The following SERPINE2 variants were observed in gnomAD, a reference collection of about 807,000 sequenced individuals.
The protein encoded by SERPINE2 is serpin family E member 2.
In SERPINE2, 14 loss-of-function variants were observed where a neutral mutation model predicts 36.3. The ratio of observed to expected loss-of-function variants is 0.39; its 90% CI spans 0.25 to 0.60. The LOEUF is 0.60. Among genes scored for constraint, SERPINE2 ranks in the 20% least tolerant of loss-of-function variants. The pLI is 0.57. For missense variants in SERPINE2, 418 were observed against 499.6 expected, an observed-to-expected ratio of 0.84 and a Z score of 1.56; for synonymous variants, 192 against 191.8, an observed-to-expected ratio of 1.00 and a Z score of -0.01.
Position 223,980,220 on chromosome 2 carries a change from G to C in SERPINE2, c.1072+91C>G, listed in dbSNP as rs746004617. Reference sequence around the variant, plus strand: ...ACACACACTGCCTGGCTGGAAAGAGGGTGCATTACATATTTGCTCAACCAA... The same window carrying C: ...ACACACACTGCCTGGCTGGAAAGAGCGTGCATTACATATTTGCTCAACCAA... On this transcript the variant is annotated intron_variant, in intron 7 of 8. Transcript: ENST00000409304. The C allele has an allele frequency of 3.6e-5, 38 of 1,044,464 alleles. No homozygotes were observed. The South Asian group carries it at 4.9e-4, about 14-fold the overall frequency. 64.7% of individuals were successfully genotyped at this position (1,044,464 alleles called of 1,614,324 possible).
chr2:224,005,093 ATAT>A (rs1559209252), intron 1 of SERPINE2, among the ~76,000 whole-genome samples: 4 of 125,274 alleles, frequency 3.2e-5, no homozygotes, highest in African/African-American at 1.3e-4. Context: ...ATATATATAT[ATAT>A]AAAACATTGT....
At position 224,022,520 on chromosome 2, in the gene SERPINE2, C is replaced by T. The variant is rs1692040506; in HGVS notation, c.-23+16579G>A. ...CTCAGAAATTATCTATTTCAATCACCTGTCACCAGGGGCTATTCTCTTACA... is the reference window on the plus strand; with the variant it reads ...CTCAGAAATTATCTATTTCAATCACTTGTCACCAGGGGCTATTCTCTTACA... On this transcript the variant is annotated intron_variant, in intron 1 of 8. Coordinates refer to ENST00000409304, the MANE Select transcript of SERPINE2 (RefSeq NM_001136528.2). 2.0e-5 allele frequency among the ~76,000 whole-genome samples: 3 copies of T among 152,156 alleles called. No individual in the cohort carries two copies. In the South Asian group the frequency reaches 6.2e-4, roughly 32 times the overall value.
rs767199589 is a variant in SERPINE2, at chr2:223,991,941, G to A, written c.547C>T (p.Leu183Phe). The change falls in exon 4 of 9, where the codon CTC becomes TTC. Residue 183 changes from leucine (L) to phenylalanine (F), a missense_variant. Coordinates refer to ENST00000409304, the MANE Select transcript of SERPINE2 (RefSeq NM_001136528.2). ...LIDGVLTRLV[L>F]VNAVYFKGLW... ...CCCTTGAAATACACTGCGTTGACGA[G>A]GACCAGTCTGGTGAGCACACCATCA... The A allele has an allele frequency of 1.1e-5, 17 of 1,613,468 alleles. No homozygotes were observed. The highest frequency in any genetic ancestry group is 1.4e-5 in the Non-Finnish European group (17 of 1,179,816).
At chr2:223,995,608 T>A (rs1690852283) in intron 3 of SERPINE2, among the ~76,000 whole-genome samples, 1 of 152,024 alleles carries the variant, frequency 6.6e-6, no homozygotes, top group African/African-American at 2.4e-5. Flanking sequence ...GTGTTTTGGG[T>A]TTTTTGTTTT....
At chr2:224,020,127 C>T (rs535038286) in intron 1 of SERPINE2, among the ~76,000 whole-genome samples, 231 of 152,258 alleles carry the variant, frequency 1.5e-3, no homozygotes, top group African/African-American at 5.4e-3. Context: ...TATGGTATCA[C>T]TTAACCACAT....
chr2:224,012,620 T>A (rs62185748), intron 1 of SERPINE2, among the ~76,000 whole-genome samples: 1 of 146,856 alleles, frequency 6.8e-6, no homozygotes, highest in Non-Finnish European at 1.5e-5. Context: ...AAAAAAAAAT[T>A]ATACACAGGC....
intron 4 of SERPINE2, among the ~76,000 whole-genome samples, chr2:223,985,673 G>A (rs1009287162): frequency 1.3e-5 from 2 of 152,210 alleles, no homozygotes; most frequent in South Asian, 2.1e-4. Context: ...CTATTTTGCA[G>A]TTGAGAAAGC....
Position 223,992,017 on chromosome 2 carries a change from C to A in SERPINE2, c.488-17G>T, listed in dbSNP as rs201070482. On this transcript the variant is annotated splice_polypyrimidine_tract_variant and intron_variant, in intron 3 of 8. Coordinates refer to ENST00000409304, the MANE Select transcript of SERPINE2 (RefSeq NM_001136528.2). ...CAATCATATCTGTGAAGCCAAAGAACAAACAAGGGAAAAATAACCTCAGGA... is the reference window on the plus strand; with the variant it reads ...CAATCATATCTGTGAAGCCAAAGAAAAAACAAGGGAAAAATAACCTCAGGA... 4 of 1,611,814 alleles carry A rather than the reference C, an allele frequency of 2.5e-6. No homozygotes were observed. Among genetic ancestry groups the A allele is most frequent in the Non-Finnish European group, 3.4e-6 (4 of 1,178,796 alleles).
intron 1 of SERPINE2, among the ~76,000 whole-genome samples, chr2:224,027,363 C>T (rs1692220834): frequency 6.6e-6 from 1 of 152,188 alleles, no homozygotes; most frequent in African/African-American, 2.4e-5. Context: ...GCATCAGGGA[C>T]TGCTGCAGTC....
At chr2:223,987,386 A>C (rs1397735812) in intron 4 of SERPINE2, among the ~76,000 whole-genome samples, 14 of 152,186 alleles carry the variant, frequency 9.2e-5, no homozygotes. Context: ...ACTCCCAAGC[A>C]GAATGAATCA....
intron 1 of SERPINE2, among the ~76,000 whole-genome samples, chr2:224,035,764 G>A (rs1692513797): frequency 6.6e-6 from 1 of 152,140 alleles, no homozygotes; most frequent in South Asian, 2.1e-4. Flanking sequence ...CTTTGTTCAG[G>A]CCAACAACAC....
intron 4 of SERPINE2, among the ~76,000 whole-genome samples, chr2:223,987,757 C>T (rs185320600): frequency 1.3e-5 from 2 of 152,230 alleles, no homozygotes; most frequent in East Asian, 3.9e-4. Context: ...TCCAGAAAGC[C>T]CCTGAAGTAA....
intron 4 of SERPINE2, among the ~76,000 whole-genome samples, chr2:223,986,701 G>T (rs888669372): frequency 1.3e-5 from 2 of 152,172 alleles, no homozygotes; most frequent in African/African-American, 4.8e-5. Flanking sequence ...AATGAATAAT[G>T]AAAAGTTATG....
At chr2:224,026,541 GT>G (rs1261610881) in intron 1 of SERPINE2, among the ~76,000 whole-genome samples, 2 of 152,088 alleles carry the variant, frequency 1.3e-5, no homozygotes, top group Non-Finnish European at 2.9e-5. Context: ...CATCTATCTA[GT>G]TTTTTTGCGA....
At chr2:224,013,537 A>C (rs1691700336) in intron 1 of SERPINE2, among the ~76,000 whole-genome samples, 1 of 152,206 alleles carries the variant, frequency 6.6e-6, no homozygotes, top group Admixed American at 6.5e-5. Flanking sequence ...ACTGGATAAA[A>C]TTGGTTTAGA....
intron 1 of SERPINE2, chr2:224,031,299 G>A (rs1159324885): frequency 6.1e-6 from 6 of 985,328 alleles, no homozygotes; most frequent in Non-Finnish European, 4.8e-6. Flanking sequence ...CTTTATCTCT[G>A]CCACACCCTT....
At chr2:224,016,157 C>T (rs1250424004) in intron 1 of SERPINE2, among the ~76,000 whole-genome samples, 1 of 152,224 alleles carries the variant, frequency 6.6e-6, no homozygotes, top group Non-Finnish European at 1.5e-5. Flanking sequence ...GAAACTGGAT[C>T]ACTCACACAT....
chr2:224,027,878 A>G (rs958481009), intron 1 of SERPINE2, among the ~76,000 whole-genome samples: 3 of 152,210 alleles, frequency 2.0e-5, no homozygotes, highest in African/African-American at 7.2e-5. Context: ...ACCCAAATAC[A>G]ACAGGCTGCC....
chr2:224,005,416 A>G (rs1201511003), intron 1 of SERPINE2, among the ~76,000 whole-genome samples: 1 of 152,086 alleles, frequency 6.6e-6, no homozygotes, highest in Non-Finnish European at 1.5e-5. Context: ...GCTGGGCAGA[A>G]CTTCTCCTTG....
Sources: allele counts gnomAD v4.1 joint callset (sites outside exome capture counted in the v4.1 genomes callset), GRCh38; gene constraint gnomAD v4.1.1; transcripts MANE v1.5; gene names NCBI Gene and HGNC (gene_info 2026-07-23, HGNC 2026-07-21).